The following MAP3K4 variants were observed in gnomAD, a reference collection of about 807,000 sequenced individuals.
MAP3K4 encodes the protein mitogen-activated protein kinase kinase kinase 4.
In MAP3K4, 67 loss-of-function variants were observed where a neutral mutation model predicts 185.6. The ratio of observed to expected loss-of-function variants is 0.36; its 90% CI spans 0.30 to 0.44. The LOEUF is 0.44. Ranked by LOEUF, MAP3K4 falls within the 20% of genes least tolerant of loss-of-function variation. The pLI, the probability that MAP3K4 is intolerant of heterozygous loss-of-function variation, is 1.00. For missense variants in MAP3K4, 1,551 were observed against 1,995.1 expected, an observed-to-expected ratio of 0.78 and a Z score of 4.24; for synonymous variants, 702 against 710.4, an observed-to-expected ratio of 0.99 and a Z score of 0.19.
In MAP3K4 at chr6:160,997,219, C is replaced by T. The variant is rs1035161736; in HGVS notation, c.152+5136C>T. Reference sequence around the variant, plus strand: ...GTCTCAGAGGATCACCTTATTGTCTCCATCCCCCACCCAGTATTCTCCCCA... The same window carrying T: ...GTCTCAGAGGATCACCTTATTGTCTTCATCCCCCACCCAGTATTCTCCCCA... On this transcript the variant is annotated intron_variant, in intron 1 of 26. Transcript: ENST00000392142. Among the ~76,000 whole-genome samples, 6 of 152,038 alleles carry T rather than the reference C, an allele frequency of 3.9e-5. No homozygotes were observed. In the East Asian group the frequency reaches 1.2e-3, roughly 29 times the overall value.
chr6:161,004,574 G>A (rs1781487191), intron 1 of MAP3K4, among the ~76,000 whole-genome samples: 1 of 152,106 alleles, frequency 6.6e-6, no homozygotes, highest in South Asian at 2.1e-4. Flanking sequence ...ACAGTTTTAG[G>A]TGCAAATGAT....
At chr6:161,000,056 G>A (rs1227959093) in intron 1 of MAP3K4, among the ~76,000 whole-genome samples, 2 of 152,186 alleles carry the variant, frequency 1.3e-5, no homozygotes, top group Admixed American at 6.5e-5. Context: ...GTCTGTAGTA[G>A]TGGTTTTGAA....
At chr6:161,005,508 C>G (rs1781542571) in intron 1 of MAP3K4, among the ~76,000 whole-genome samples, 1 of 151,966 alleles carries the variant, frequency 6.6e-6, no homozygotes, top group African/African-American at 2.4e-5. Flanking sequence ...CTAATGAATA[C>G]CCATTGATTA....
chr6:161,000,826 T>TGCACACATACACATGTGTAC (rs913552197), intron 1 of MAP3K4, among the ~76,000 whole-genome samples: 7 of 144,446 alleles, frequency 4.8e-5, no homozygotes, highest in African/African-American at 8.5e-5. Context: ...CACATGTGTA[T>TGCACACATACACATGTGTAC]GCACACATAC....
At chr6:161,041,055 CAG>C (rs1320292027) in intron 2 of MAP3K4, among the ~76,000 whole-genome samples, 2 of 152,210 alleles carry the variant, frequency 1.3e-5, no homozygotes, top group East Asian at 3.9e-4. Context: ...CAGCCATGTC[CAG>C]AGTGTGAGTA....
At position 161,071,411 on chromosome 6, in the gene MAP3K4, T is replaced by C. The variant is rs1235645431; in HGVS notation, c.1950+561T>C. 6.6e-6 allele frequency among the ~76,000 whole-genome samples: 1 copy of C among 152,238 alleles called. No homozygotes were observed. Among genetic ancestry groups the C allele is most frequent in the Non-Finnish European group, 1.5e-5 (1 of 68,052 alleles). ...TGCTGAAGAGGGTCTGTATTTATTA[T>C]TTATGATATTAACATATTGATATTC... On this transcript the variant is annotated intron_variant, in intron 4 of 26. Coordinates refer to ENST00000392142, the MANE Select transcript of MAP3K4 (RefSeq NM_005922.4). The surrounding 1 kb of genome is among the most constrained non-coding windows in gnomAD (Gnocchi z 4.6).
intron 2 of MAP3K4, among the ~76,000 whole-genome samples, chr6:161,036,143 G>C (rs1409304303): frequency 6.6e-6 from 1 of 152,174 alleles, no homozygotes; most frequent in East Asian, 1.9e-4. Flanking sequence ...CTGTGCGAGA[G>C]ATAGAGGGAA....
At chr6:161,015,970 T>A (rs935161904) in intron 1 of MAP3K4, among the ~76,000 whole-genome samples, 2 of 152,198 alleles carry the variant, frequency 1.3e-5, no homozygotes, top group Non-Finnish European at 1.5e-5. Flanking sequence ...CACTGGATTG[T>A]TTTCACCTTT....
chr6:161,024,256 G>A (rs989702617), intron 1 of MAP3K4, among the ~76,000 whole-genome samples: 6 of 152,072 alleles, frequency 3.9e-5, no homozygotes, highest in African/African-American at 9.7e-5. Context: ...GATGCGAGCC[G>A]CCACACCCAG....
Position 161,110,212 on chromosome 6 carries a change from C to T in MAP3K4, c.4396+298C>T, listed in dbSNP as rs1241973592. Among the ~76,000 whole-genome samples, 1 of 152,182 alleles carries T rather than the reference C, an allele frequency of 6.6e-6. No individual in the cohort carries two copies. Among genetic ancestry groups the T allele is most frequent in the Non-Finnish European group, 1.5e-5 (1 of 68,046 alleles). ...ATAGCCCGTGTACTTACCAGACATT[C>T]GTGATCAAAGCAACCTTTTTTTTCT... On this transcript the variant is annotated intron_variant, in intron 23 of 26. Transcript: ENST00000392142. This position sits in a 1 kb window ranked among gnomAD's most constrained non-coding sequence, Gnocchi z 4.8.
chr6:161,115,032 A>G lies in MAP3K4; in HGVS notation c.4627-91A>G. The G allele has an allele frequency of 8.5e-7, 1 of 1,173,364 alleles. No individual in the cohort carries two copies. 72.7% of individuals were successfully genotyped at this position (1,173,364 alleles called of 1,614,324 possible). ...AATTTGCTGTCCCCTGATATATATT[A>G]ATGATGAGATGCTTAAAAACAGACT... On this transcript the variant is annotated intron_variant, in intron 25 of 26. Coordinates refer to ENST00000392142, the MANE Select transcript of MAP3K4 (RefSeq NM_005922.4). The surrounding 1 kb of genome is among the most constrained non-coding windows in gnomAD (Gnocchi z 6.0).
rs958830868 is a variant in MAP3K4 at position 161,070,290 on chromosome 6, T to C, written c.1708-318T>C. Among the ~76,000 whole-genome samples, 2 of 152,194 alleles carry C rather than the reference T, an allele frequency of 1.3e-5. No individual in the cohort carries two copies. Among genetic ancestry groups the C allele is most frequent in the African/African-American group, 4.8e-5 (2 of 41,454 alleles). ...ACTGTATATAACCTGAAAAATAAAG[T>C]GTTCTGATCATTTTAAGTGTGAGGC... On this transcript the variant is annotated intron_variant, in intron 3 of 26. Transcript: ENST00000392142. The surrounding 1 kb of genome is among the most constrained non-coding windows in gnomAD (Gnocchi z 4.5).
intron 2 of MAP3K4, among the ~76,000 whole-genome samples, chr6:161,047,279 C>A (rs1258665279): frequency 5.5e-5 from 8 of 145,598 alleles, no homozygotes; most frequent in East Asian, 2.0e-4. Context: ...TGTCTCTACC[C>A]AAAAAAAAAA....
Position 161,037,416 on chromosome 6 carries a change from G to A in MAP3K4, c.343+2967G>A, listed in dbSNP as rs565474334. Among the ~76,000 whole-genome samples the A allele has an allele frequency of 6.6e-6, 1 of 152,136 alleles. No homozygotes were observed. The highest frequency in any genetic ancestry group is 2.4e-5 in the African/African-American group (1 of 41,524). ...TATCATCATTATTATTGTAAACTCA[G>A]GATTTCTTTTATTTTTTCTGAGACG... On this transcript the variant is annotated intron_variant, in intron 2 of 26. Coordinates refer to ENST00000392142, the MANE Select transcript of MAP3K4 (RefSeq NM_005922.4). This position sits in a 1 kb window ranked among gnomAD's most constrained non-coding sequence, Gnocchi z 4.2.
In MAP3K4 at chr6:161,019,704, C is replaced by T. The variant is rs1044394204; in HGVS notation, c.153-14555C>T. The stretch of plus-strand genomic sequence containing the variant: ...GATTACAGGCGTGAGCTGTGGACCA[C>T]GCCCAGCCTTTCTTTCAGAAGGCTT... On this transcript the variant is annotated intron_variant, in intron 1 of 26. Transcript: ENST00000392142. 5.3e-5 allele frequency among the ~76,000 whole-genome samples: 8 copies of T among 152,162 alleles called. No individual in the cohort carries two copies. The South Asian group carries it at 1.0e-3, about 20-fold the overall frequency.
At position 161,091,949 on chromosome 6, in the gene MAP3K4, G is replaced by A. The variant is rs1435310891; in HGVS notation, c.3136-61G>A. 3 of 1,356,080 alleles carry A rather than the reference G, an allele frequency of 2.2e-6. No individual in the cohort carries two copies. The highest frequency in any genetic ancestry group is 3.2e-6 in the Non-Finnish European group (3 of 951,538). 84.0% of individuals were successfully genotyped at this position (1,356,080 alleles called of 1,614,324 possible). A position where few individuals can be genotyped will look rare whatever the true frequency, so the allele number is the denominator to read the frequency against. ...AAAACATTTTAGACATGGCATTATA[G>A]TGTGTGATATTATTTAATGATCATT... On this transcript the variant is annotated intron_variant, in intron 12 of 26. Transcript: ENST00000392142. The surrounding 1 kb of genome is among the most constrained non-coding windows in gnomAD (Gnocchi z 5.5).
chr6:161,006,379 G>A (rs965875068), intron 1 of MAP3K4, among the ~76,000 whole-genome samples: 3 of 152,128 alleles, frequency 2.0e-5, no homozygotes, highest in Admixed American at 1.3e-4. Flanking sequence ...TGCTGAACAC[G>A]TACAGACTTT....
chr6:161,012,470 T>G (rs932782607), intron 1 of MAP3K4, among the ~76,000 whole-genome samples: 1 of 152,204 alleles, frequency 6.6e-6, no homozygotes, highest in Non-Finnish European at 1.5e-5. Context: ...TAATAGAAAT[T>G]ATAATTCATG....
chr6:161,087,565 C>G lies in MAP3K4; in HGVS notation c.2557-123C>G, dbSNP rs567763900. The G allele has an allele frequency of 1.1e-4, 106 of 960,748 alleles. No individual in the cohort carries two copies. Among genetic ancestry groups the G allele is most frequent in the Non-Finnish European group, 1.6e-4 (101 of 623,808 alleles). 59.5% of individuals were successfully genotyped at this position (960,748 alleles called of 1,614,324 possible). ...GGCTACCTGCAGTTCCCTCACTGCT[C>G]CAATTCATGCCCTTCCCACTTTCCC... On this transcript the variant is annotated intron_variant, in intron 9 of 26. Transcript: ENST00000392142. This position sits in a 1 kb window ranked among gnomAD's most constrained non-coding sequence, Gnocchi z 4.9.
Sources: allele counts gnomAD v4.1 joint callset (sites outside exome capture counted in the v4.1 genomes callset), GRCh38; gene constraint gnomAD v4.1.1; non-coding constraint Gnocchi (gnomAD v3.1); transcripts MANE v1.5; gene names NCBI Gene and HGNC (gene_info 2026-07-23, HGNC 2026-07-21).